GRAMD1B: variants seen among roughly 807,000 people sequenced by gnomAD.
GRAMD1B encodes the protein protein Aster-B.
A neutral mutation model predicts 99.7 loss-of-function variants in GRAMD1B; 37 were observed. The observed-to-expected ratio is 0.37, with a 90% CI of 0.29 to 0.49. GRAMD1B has a LOEUF of 0.49. Ranked by LOEUF, GRAMD1B falls within the 20% of genes least tolerant of loss-of-function variation. GRAMD1B has a pLI of 0.98. For synonymous variants in GRAMD1B, 427 were observed against 387.6 expected (o/e 1.10, Z -1.19); for missense variants, 888 against 1,009.2 (o/e 0.88, Z 1.63).
chr11:123,582,872 G>A (rs1369030238), intron 3 of GRAMD1B, among the ~76,000 whole-genome samples: 4 of 152,194 alleles, frequency 2.6e-5, no homozygotes, highest in African/African-American at 7.2e-5. Flanking sequence ...CCAGGTGGAG[G>A]GGATCCAGAC....
At chr11:123,459,471 T>A (rs1024154145) in intron 1 of GRAMD1B, 1 of 152,084 alleles carries the variant, frequency 6.6e-6, no homozygotes, top group Non-Finnish European at 1.5e-5. Context: ...TCTAGGCTGG[T>A]CTCCAACTCC....
In GRAMD1B at chr11:123,446,458, G is replaced by T. The variant is rs141234655; in HGVS notation, c.374+15292G>T. Among the ~76,000 whole-genome samples the T allele has an allele frequency of 2.6e-3, 402 of 152,198 alleles. 9 individuals carry two copies. The East Asian group carries it at 0.033, about 12-fold the overall frequency. ...TGGGATTAGAGGCATGAGCCACCAC[G>T]CCCAGCCCTCTGCAGACTTCTTGGA... On this transcript the variant is annotated intron_variant, in intron 1 of 19. Transcript: ENST00000635736.
intron 2 of GRAMD1B, among the ~76,000 whole-genome samples, chr11:123,485,219 A>G (rs1025571080): frequency 3.0e-4 from 46 of 152,238 alleles, no homozygotes; most frequent in African/African-American, 9.9e-4. Context: ...ATTGTTTCAT[A>G]GAGCAGGCAA....
Position 123,481,358 on chromosome 11 carries a change from G to T in GRAMD1B, c.452+465G>T, listed in dbSNP as rs560244677. Among the ~76,000 whole-genome samples, 10 of 152,290 alleles carry T rather than the reference G, an allele frequency of 6.6e-5. No individual in the cohort carries two copies. In the East Asian group the frequency reaches 1.7e-3, roughly 26 times the overall value. ...TAATTCCAGCTACTCCGAGGCTGAG[G>T]CAGGAGAATCGCTTGAACCTGGGAG... On this transcript the variant is annotated intron_variant, in intron 2 of 19. Transcript: ENST00000635736.
At chr11:123,449,642 T>C (rs1275829540) in intron 1 of GRAMD1B, among the ~76,000 whole-genome samples, 4 of 151,782 alleles carry the variant, frequency 2.6e-5, no homozygotes, top group Non-Finnish European at 2.9e-5. Context: ...TGGTGAGATA[T>C]TGACTCACTG....
chr11:123,446,976 G>A (rs573949009), intron 1 of GRAMD1B, among the ~76,000 whole-genome samples: 1 of 152,070 alleles, frequency 6.6e-6, no homozygotes, highest in East Asian at 1.9e-4. Flanking sequence ...AGAAAGAGAG[G>A]CAAGAAAGGC....
intron 2 of GRAMD1B, among the ~76,000 whole-genome samples, chr11:123,543,365 A>G (rs117040336): frequency 4.6e-5 from 7 of 152,304 alleles, no homozygotes; most frequent in Non-Finnish European, 1.0e-4. Flanking sequence ...GAAGCTGGTA[A>G]AGAACAGACC....
intron 17 of GRAMD1B, among the ~76,000 whole-genome samples, chr11:123,615,337 A>G (rs1954209119): frequency 1.3e-5 from 2 of 152,248 alleles, no homozygotes; most frequent in Admixed American, 1.3e-4. Context: ...AATGTAGACT[A>G]TTTATAATAA....
chr11:123,367,537 G>T (rs542709735), intron 1 of GRAMD1B, among the ~76,000 whole-genome samples: 4 of 152,280 alleles, frequency 2.6e-5, no homozygotes, highest in Admixed American at 2.0e-4. Context: ...GCAAAAACAT[G>T]GAGTTGTGAG....
intron 1 of GRAMD1B, among the ~76,000 whole-genome samples, chr11:123,363,121 C>T (rs1946201343): frequency 6.6e-6 from 1 of 152,048 alleles, no homozygotes; most frequent in Admixed American, 6.6e-5. Context: ...TTTCTCTTCC[C>T]CGTTTTCCTC....
chr11:123,585,412 C>CT (rs1165366055), intron 4 of GRAMD1B, among the ~76,000 whole-genome samples: 1 of 152,230 alleles, frequency 6.6e-6, no homozygotes, highest in Non-Finnish European at 1.5e-5. Context: ...CAACATCCTG[C>CT]TGCCCAGTGA....
rs1955471870 is a variant in GRAMD1B, at chr11:123,625,883, G to A, written c.*3288G>A. The A allele has an allele frequency of 6.8e-6, 1 of 146,966 alleles. No homozygotes were observed. Among genetic ancestry groups the A allele is most frequent in the African/African-American group, 2.5e-5 (1 of 39,570 alleles). The allele number at this position is 146,966 out of a possible 1,614,324, so 9.1% of individuals were successfully genotyped here. ...GTGTCTGCATTCCCAGGAGACCCAGGGTGATTAAAATTTATTCTTTAGGTG... is the reference window on the plus strand; with the variant it reads ...GTGTCTGCATTCCCAGGAGACCCAGAGTGATTAAAATTTATTCTTTAGGTG... On this transcript the variant is annotated 3_prime_UTR_variant, in exon 20 of 20. Coordinates refer to ENST00000635736, the MANE Select transcript of GRAMD1B (RefSeq NM_001387025.1).
chr11:123,433,968 G>A (rs1050771582), intron 1 of GRAMD1B, among the ~76,000 whole-genome samples: 3 of 152,014 alleles, frequency 2.0e-5, no homozygotes, highest in Non-Finnish European at 2.9e-5. Flanking sequence ...AGTGGCTCAC[G>A]CCTGTAATCC....
rs976828312 is a variant in GRAMD1B, at chr11:123,591,175, G to T, written c.685-2907G>T. Reference sequence around the variant, plus strand: ...CTGGCCAGCTTGTCCTGAGAACCACGCTGACCACCTCGGCTCACTTGTGAA... The same window carrying T: ...CTGGCCAGCTTGTCCTGAGAACCACTCTGACCACCTCGGCTCACTTGTGAA... On this transcript the variant is annotated intron_variant, in intron 4 of 19. Transcript: ENST00000635736. The surrounding 1 kb of genome is among the most constrained non-coding windows in gnomAD (Gnocchi z 4.7). The T allele has an allele frequency of 1.7e-5, 6 of 362,014 alleles. No homozygotes were observed. Among genetic ancestry groups the T allele is most frequent in the Admixed American group, 4.7e-5 (1 of 21,442 alleles). The allele number at this position is 362,014 out of a possible 1,614,324, so 22.4% of individuals were successfully genotyped here.
At chr11:123,444,568 G>A (rs367646246) in intron 1 of GRAMD1B, among the ~76,000 whole-genome samples, 2 of 152,084 alleles carry the variant, frequency 1.3e-5, no homozygotes, top group African/African-American at 2.4e-5. Flanking sequence ...GAGCCCCCAC[G>A]TCTTTCCATG....
At chr11:123,405,149 A>G (rs1409328645) in intron 1 of GRAMD1B, among the ~76,000 whole-genome samples, 1 of 151,942 alleles carries the variant, frequency 6.6e-6, no homozygotes, top group African/African-American at 2.4e-5. Context: ...GAAAATTATC[A>G]AACAGTTAAA....
chr11:123,595,443 G>A (rs781504722), intron 6 of GRAMD1B, among the ~76,000 whole-genome samples: 10 of 151,966 alleles, frequency 6.6e-5, no homozygotes, highest in African/African-American at 1.2e-4. Flanking sequence ...ACAGGCATGC[G>A]CCACCACGCC....
intron 2 of GRAMD1B, among the ~76,000 whole-genome samples, chr11:123,505,328 A>G (rs1216138668): frequency 6.6e-6 from 1 of 152,122 alleles, no homozygotes; most frequent in African/African-American, 2.4e-5. Context: ...CATCATGCTC[A>G]GCTTGTTTTG....
At chr11:123,495,185 A>C (rs534283202) in intron 2 of GRAMD1B, among the ~76,000 whole-genome samples, 14 of 152,066 alleles carry the variant, frequency 9.2e-5, no homozygotes, top group Non-Finnish European at 1.5e-4. Context: ...CTTCTGTACT[A>C]AATATTTTAT....
Sources: allele counts gnomAD v4.1 joint callset (sites outside exome capture counted in the v4.1 genomes callset), GRCh38; gene constraint gnomAD v4.1.1; non-coding constraint Gnocchi (gnomAD v3.1); transcripts MANE v1.5; gene names NCBI Gene and HGNC (gene_info 2026-07-23, HGNC 2026-07-21).